Variants in ZNF551 observed in about 807,000 individuals in gnomAD.
The protein encoded by ZNF551 is zinc finger protein 551.
In ZNF551, 5 loss-of-function variants were observed where a neutral mutation model predicts 7.9. The ratio of observed to expected loss-of-function variants is 0.63; its 90% confidence interval spans 0.33 to 1.33. The LOEUF is 1.33. ZNF551 is among the 40% of genes most tolerant of loss of function. The pLI, the probability that ZNF551 is intolerant of heterozygous loss-of-function variation, is 0.05. For synonymous variants in ZNF551, 287 were observed against 277.3 expected (o/e 1.03, Z -0.35); for missense variants, 788 against 825.2 (o/e 0.95, Z 0.55).
In ZNF551 at chr19:57,687,596, C is replaced by T; in HGVS notation, c.1321C>T (p.His441Tyr). ...KSELIQHQRIHSGERPYECRE... is the reference protein window; with the variant it reads ...KSELIQHQRIYSGERPYECRE... ...GGAACTCATTCAACACCAGAGAATT[C>T]ACAGTGGAGAAAGACCTTATGAATG... is the stretch of plus-strand genomic sequence containing the variant. Residue 441 changes from histidine to tyrosine, a missense_variant, in exon 3 of 3, where the codon CAC becomes TAC. Transcript: ENST00000282296. 6.2e-7 allele frequency: 1 copy of T among 1,614,206 alleles called. No individual in the cohort carries two copies. Among genetic ancestry groups the T allele is most frequent in the Non-Finnish European group, 8.5e-7 (1 of 1,180,038 alleles).
rs1034212056 is a variant in ZNF551, at chr19:57,682,040, A to T, written c.-124A>T. 1.9e-6 allele frequency: 2 copies of T among 1,028,510 alleles called. No individual in the cohort carries two copies. Among genetic ancestry groups the T allele is most frequent in the African/African-American group, 3.2e-5 (2 of 62,626 alleles). The allele number at this position is 1,028,510 out of a possible 1,614,324, so 63.7% of individuals were successfully genotyped here. A position where few individuals can be genotyped will look rare whatever the true frequency, so the allele number is the denominator to read the frequency against. ...CTCTGTCCTGTTTGTCCAGCCCGCC[A>T]GTTTCTGCAGTGGAGGTCGCGACTG... On this transcript the variant is annotated 5_prime_UTR_variant, in exon 1 of 3. Transcript: ENST00000282296.
Position 57,688,333 on chromosome 19 carries a change from G to A in ZNF551, c.*45G>A, listed in dbSNP as rs1201268572. On this transcript the variant is annotated 3_prime_UTR_variant, in exon 3 of 3. Coordinates refer to ENST00000282296, the MANE Select transcript of ZNF551 (RefSeq NM_138347.5). ...TTTCTTTATTCAGTATAATAGCACT[G>A]GAGGAGACTGTGGTAGCCATCTTCG... 1.3e-6 allele frequency: 2 copies of A among 1,580,436 alleles called. No individual in the cohort carries two copies. The highest frequency in any genetic ancestry group is 2.3e-5 in the South Asian group (2 of 86,530).
intron 1 of ZNF551, 96 bp downstream of exon 1, chr19:57,682,340 C>G: frequency 1.5e-6 from 2 of 1,328,572 alleles, no homozygotes; most frequent in Non-Finnish European, 2.0e-6. Flanking sequence ...AGCCCAGGCC[C>G]CAGTACCCTG....
At chr19:57,685,993 T>C (rs1305627844) in intron 2 of ZNF551, among the ~76,000 whole-genome samples, 1 of 152,258 alleles carries the variant, frequency 6.6e-6, no homozygotes, top group East Asian at 1.9e-4. Flanking sequence ...TCACTTCCAG[T>C]GTTTGGCTAC....
In ZNF551 at chr19:57,686,984, A is replaced by T; in HGVS notation, c.709A>T (p.Thr237Ser). 2.5e-6 allele frequency: 4 copies of T among 1,614,224 alleles called. No individual in the cohort carries two copies. Among genetic ancestry groups the T allele is most frequent in the Non-Finnish European group, 3.4e-6 (4 of 1,180,038 alleles). The stretch of plus-strand genomic sequence containing the variant: ...CAGAAAAGCTTCAAGCCACAAACAC[A>T]CACTTGTTCAGCATCAGAGTGTCTG... Reference protein sequence around the residue: ...EYRKASSHKHTLVQHQSVCSE... With the variant: ...EYRKASSHKHSLVQHQSVCSE... The change falls in exon 3 of 3, where the codon ACA (threonine) becomes TCA (serine). Residue 237 changes from threonine to serine, a missense_variant. Transcript: ENST00000282296.
At position 57,688,150 on chromosome 19, in the gene ZNF551, C is replaced by G. The variant is rs771782438; in HGVS notation, c.1875C>G (p.Thr625=). The G allele has an allele frequency of 6.2e-7, 1 of 1,613,908 alleles. No individual in the cohort carries two copies. The highest frequency in any genetic ancestry group is 8.5e-7 in the Non-Finnish European group (1 of 1,179,954). The change falls in exon 3 of 3, where the codon ACC becomes ACG. Residue 625 remains threonine (T), a synonymous_variant. Transcript: ENST00000282296. ...YECSQCGKPF[T]HKSDLIQHQR... ...GCAGTCAATGTGGGAAACCCTTTAC[C>G]CACAAATCAGACCTTATTCAGCACC...
chr19:57,685,860 A>G (rs1984537156), intron 2 of ZNF551, among the ~76,000 whole-genome samples: 1 of 152,202 alleles, frequency 6.6e-6, no homozygotes. Context: ...TCATGGTTGT[A>G]TTAGAATCAT....
intron 1 of ZNF551, among the ~76,000 whole-genome samples, chr19:57,683,516 G>T (rs1984454858): frequency 6.6e-6 from 1 of 152,172 alleles, no homozygotes; most frequent in South Asian, 2.1e-4. Flanking sequence ...TGGAACTGTA[G>T]GTCAGGAACA....
rs1479101487 is a variant in ZNF551, at chr19:57,690,644, T to C, written c.*2356T>C. ...TTACAAATAAAGCTGCTGTAAATAC[T>C]TGAATTCATTTCTTTATATGGATAT... On this transcript the variant is annotated 3_prime_UTR_variant, in exon 3 of 3. Transcript: ENST00000282296. 1 of 132,368 alleles carries C rather than the reference T, an allele frequency of 7.6e-6. No homozygotes were observed. Among genetic ancestry groups the C allele is most frequent in the Non-Finnish European group, 1.7e-5 (1 of 57,158 alleles). 8.2% of individuals were successfully genotyped at this position (132,368 alleles called of 1,614,324 possible).
At chr19:57,682,865 A>C (rs1984434843) in intron 1 of ZNF551, among the ~76,000 whole-genome samples, 1 of 152,218 alleles carries the variant, frequency 6.6e-6, no homozygotes, top group Non-Finnish European at 1.5e-5. Flanking sequence ...TCTTAAGTCC[A>C]GGTTAGATTA....
In ZNF551 at chr19:57,686,792, T is replaced by G. The variant is rs1038364937; in HGVS notation, c.517T>G (p.Cys173Gly). 6.8e-6 allele frequency: 11 copies of G among 1,614,110 alleles called. No homozygotes were observed. Among genetic ancestry groups the G allele is most frequent in the Non-Finnish European group, 9.3e-6 (11 of 1,180,048 alleles). The change falls in exon 3 of 3, where the codon TGC becomes GGC. Residue 173 changes from cysteine (C) to glycine (G), a missense_variant. Physicochemically the swap from Cys to Gly is radical, Grantham distance 159 (BLOSUM62 -3). Transcript: ENST00000282296. ...GGATGAGGCTACATTTGTGACCGGC[T>G]GCAGATTCCATGTGTTGAATTATTT... ...KVDEATFVTG[C>G]RFHVLNYFTC...
chr19:57,684,425 G>C (rs758065533), intron 1 of ZNF551, among the ~76,000 whole-genome samples: 14 of 152,018 alleles, frequency 9.2e-5, no homozygotes, highest in Admixed American at 3.3e-4. Flanking sequence ...AGGACACAAG[G>C]GTGAAGTATG....
rs551784741 is a variant in ZNF551, at chr19:57,686,208, A to T, written c.206-273A>T. On this transcript the variant is annotated intron_variant, in intron 2 of 2. Transcript: ENST00000282296. ...TGTACAGCACATACATCACTAGCAG[A>T]CAAAGTCCTGCTGAGGGCTTTGGCA... Among the ~76,000 whole-genome samples, 7 of 152,304 alleles carry T rather than the reference A, an allele frequency of 4.6e-5. No individual in the cohort carries two copies. In the South Asian group the frequency reaches 1.5e-3, roughly 32 times the overall value.
chr19:57,683,434 T>C (rs1984453285), intron 1 of ZNF551, among the ~76,000 whole-genome samples: 1 of 152,134 alleles, frequency 6.6e-6, no homozygotes, highest in Non-Finnish European at 1.5e-5. Flanking sequence ...TAGTTTTCAT[T>C]TGGGATATCA....
Position 57,686,732 on chromosome 19 carries a change from CATTACA to C in ZNF551, c.460_465del (p.Tyr154_Asn155del). 6.2e-7 allele frequency: 1 copy of C among 1,614,222 alleles called. No homozygotes were observed. The highest frequency in any genetic ancestry group is 8.5e-7 in the Non-Finnish European group (1 of 1,180,044). ...TGCTGACCTTCACCAGCATCAAAAGCATTACAATGAAGAAGAGCCCTGGAAAAGGAA... is the reference window on the plus strand; with the variant it reads ...TGCTGACCTTCACCAGCATCAAAAGCATGAAGAAGAGCCCTGGAAAAGGAA... On this transcript the variant is annotated inframe_deletion, in exon 3 of 3. Transcript: ENST00000282296.
chr19:57,685,123 A>C (rs888820993), intron 1 of ZNF551, 139 bp from the exon 2 acceptor site: 74 of 1,058,346 alleles, frequency 7.0e-5, no homozygotes, highest in Non-Finnish European at 8.2e-5. Flanking sequence ...AACTGTGGGG[A>C]GAGGGTAGGC....
Position 57,689,552 on chromosome 19 carries a change from A to G in ZNF551, c.*1264A>G, listed in dbSNP as rs1984698440. On this transcript the variant is annotated 3_prime_UTR_variant, in exon 3 of 3. Transcript: ENST00000282296. ...TGGCCGGGCATGGTGTAATCCTAAC[A>G]CTTTGGGAGGCCAAGGCGGGCGGAT... 1 of 152,244 alleles carries G rather than the reference A, an allele frequency of 6.6e-6. No homozygotes were observed. Among genetic ancestry groups the G allele is most frequent in the Non-Finnish European group, 1.5e-5 (1 of 68,090 alleles). 9.4% of individuals were successfully genotyped at this position (152,244 alleles called of 1,614,324 possible).
Position 57,687,845 on chromosome 19 carries a change from A to G in ZNF551, c.1570A>G (p.Ile524Val), listed in dbSNP as rs375478752. Residue 524 changes from isoleucine (I) to valine (V), a missense_variant, in exon 3 of 3, where the codon ATT becomes GTT. Ile to Val is a conservative substitution (Grantham distance 29). Transcript: ENST00000282296. Reference protein sequence around the residue: ...RKSDLIQHRRIHTGTRPYECS... With the variant: ...RKSDLIQHRRVHTGTRPYECS... ...ATCTGACCTCATTCAACACCGGAGA[A>G]TTCATACTGGCACAAGACCTTATGA... is the stretch of plus-strand genomic sequence containing the variant. The G allele has an allele frequency of 8.1e-6, 13 of 1,611,962 alleles. No homozygotes were observed. The African/African-American group carries it at 1.6e-4, about 20-fold the overall frequency.
At position 57,685,264 on chromosome 19, in the gene ZNF551, TATGACCTTTG is replaced by T. The variant is rs771882926; in HGVS notation, c.86_95del (p.Met29ArgfsTer26). ...TTGAACTATTCCTGCTGTGACAGGG[TATGACCTTTG>T]AGGATGTGGCCATTTATTTCTCCCA... On this transcript the variant is annotated frameshift_variant, in exon 2 of 3. Coordinates refer to ENST00000282296, the MANE Select transcript of ZNF551 (RefSeq NM_138347.5). LOFTEE classifies it high-confidence loss of function. 1 of 1,613,866 alleles carries T rather than the reference TATGACCTTTG, an allele frequency of 6.2e-7. No homozygotes were observed. The highest frequency in any genetic ancestry group is 1.3e-5 in the African/African-American group (1 of 74,896).
Sources: allele counts gnomAD v4.1 joint callset (sites outside exome capture counted in the v4.1 genomes callset), GRCh38; gene constraint gnomAD v4.1.1; transcripts MANE v1.5; gene names NCBI Gene and HGNC (gene_info 2026-07-23, HGNC 2026-07-21).